Variants in HEBP1 observed in about 807,000 individuals in gnomAD.
The protein encoded by HEBP1 is heme-binding protein 1.
In HEBP1, 13 loss-of-function variants were observed where a neutral mutation model predicts 20.4. The ratio of observed to expected loss-of-function variants is 0.64; its 90% CI spans 0.42 to 1.01. HEBP1 has a LOEUF of 1.01. Ranked by LOEUF, HEBP1 falls within the 50% of genes least tolerant of loss-of-function variation. The probability of loss-of-function intolerance (pLI) is 0.00; values close to 1 mark genes in which losing one functional copy is unlikely to be tolerated. For synonymous variants in HEBP1, 92 were observed against 90.7 expected (o/e 1.01, Z -0.08); for missense variants, 241 against 247.3 (o/e 0.97, Z 0.17).
chr12:12,975,343 C>T lies in HEBP1; in HGVS notation c.535G>A (p.Gly179Arg), dbSNP rs145719541. ...TGYDPPMKPY[G>R]RRNEIWLLKT ...AACAGCCAGATCTCATTGCGCCGTC[C>T]GTAGGGCTTCATGGGAGGGTCATAA... The change falls in exon 4 of 4, where the codon GGA becomes AGA. Residue 179 changes from glycine (G) to arginine (R), a missense_variant. Physicochemically the swap from Gly to Arg is moderately radical, Grantham distance 125. Coordinates refer to ENST00000014930, the MANE Select transcript of HEBP1 (RefSeq NM_015987.5). 2.5e-5 allele frequency: 40 copies of T among 1,614,028 alleles called. 1 individual carries two copies. Among genetic ancestry groups the T allele is most frequent in the South Asian group, 1.2e-4 (11 of 91,074 alleles).
At chr12:12,995,431 A>T (rs1224130748) in intron 1 of HEBP1, among the ~76,000 whole-genome samples, 1 of 152,216 alleles carries the variant, frequency 6.6e-6, no homozygotes, top group Non-Finnish European at 1.5e-5. Context: ...TATGCAGAGT[A>T]AAACCTAGTT....
In HEBP1 at chr12:12,982,534, C is replaced by T. The variant is rs571749172; in HGVS notation, c.398+4618G>A. Among the ~76,000 whole-genome samples the T allele has an allele frequency of 6.9e-4, 105 of 152,278 alleles. 1 individual carries two copies. The highest frequency in any genetic ancestry group is 1.3e-3 in the Admixed American group (20 of 15,302). On this transcript the variant is annotated intron_variant, in intron 3 of 3. Transcript: ENST00000014930. ...TCTTCCAAACTTCTCTTTCTCTAGG[C>T]GGAACTTCCCAAGCTGCCAATGGCC...
intron 1 of HEBP1, among the ~76,000 whole-genome samples, chr12:12,994,259 A>C (rs569425496): frequency 6.6e-6 from 1 of 152,332 alleles, no homozygotes; most frequent in Non-Finnish European, 1.5e-5. Context: ...AAGACTGTCA[A>C]GCAGGACACA....
chr12:13,000,042 C>T lies in HEBP1; in HGVS notation c.73G>A (p.Asp25Asn), dbSNP rs773681152. ...CGGCAGCCCTGCGGGCCTACCTTGT[C>T]CCCTTTGCTTAGGACCTGCCAAGGC... is the stretch of plus-strand genomic sequence containing the variant. ...TWPWQVLSKG[D>N]KEEVAYEERA... Residue 25 changes from aspartate to asparagine, a missense_variant, in exon 1 of 4, where the codon GAC (aspartate) becomes AAC (asparagine). By Grantham distance (23) the Asp-to-Asn change is conservative. Transcript: ENST00000014930. 45 of 1,609,764 alleles carry T rather than the reference C, an allele frequency of 2.8e-5. No homozygotes were observed. Among genetic ancestry groups the T allele is most frequent in the South Asian group, 2.5e-4 (23 of 90,444 alleles).
intron 3 of HEBP1, 82 bp from the exon 4 acceptor site, chr12:12,975,561 CATG>C: frequency 8.1e-7 from 1 of 1,236,724 alleles, no homozygotes; most frequent in South Asian, 1.5e-5. Flanking sequence ...AGTCACTCAC[CATG>C]TTTATTATGA....
chr12:12,986,813 T>C lies in HEBP1; in HGVS notation c.398+339A>G, dbSNP rs369938056. The stretch of plus-strand genomic sequence containing the variant: ...ATTCCTCAGCCCTTTATGCTTCCCA[T>C]GTGTCCACGAATCCAGACCATGGCT... On this transcript the variant is annotated intron_variant, in intron 3 of 3. Transcript: ENST00000014930. This position sits in a 1 kb window ranked among gnomAD's most constrained non-coding sequence, Gnocchi z 4.3. 6.4e-4 allele frequency: 126 copies of C among 196,576 alleles called. 1 individual carries two copies. The highest frequency in any genetic ancestry group is 2.8e-3 in the African/African-American group (119 of 42,992). The allele number at this position is 196,576 out of a possible 1,614,324, so 12.2% of individuals were successfully genotyped here.
At chr12:12,988,798 C>A (rs1394241839) in intron 2 of HEBP1, among the ~76,000 whole-genome samples, 2 of 152,082 alleles carry the variant, frequency 1.3e-5, no homozygotes, top group Non-Finnish European at 2.9e-5. Context: ...ATTCTCAGAC[C>A]CTTCATTTGC....
intron 3 of HEBP1, among the ~76,000 whole-genome samples, chr12:12,982,889 T>C (rs897777704): frequency 2.6e-5 from 4 of 152,196 alleles, no homozygotes; most frequent in Non-Finnish European, 5.9e-5. Flanking sequence ...ACTGAGTGTC[T>C]ACCTCATGTC....
chr12:12,985,022 C>A (rs547550693), intron 3 of HEBP1, among the ~76,000 whole-genome samples: 1 of 151,608 alleles, frequency 6.6e-6, no homozygotes, highest in South Asian at 2.1e-4. Context: ...GTGGCAGGTT[C>A]CTGTACTCCC....
At chr12:12,989,959 A>T (rs541520037) in intron 1 of HEBP1, among the ~76,000 whole-genome samples, 3 of 152,260 alleles carry the variant, frequency 2.0e-5, no homozygotes, top group Admixed American at 2.0e-4. Flanking sequence ...ACCTCTATGG[A>T]TACCAAAATC....
At chr12:12,997,321 G>A (rs1396582736) in intron 1 of HEBP1, among the ~76,000 whole-genome samples, 1 of 152,182 alleles carries the variant, frequency 6.6e-6, no homozygotes, top group African/African-American at 2.4e-5. Context: ...GAAGCACTTC[G>A]ATGCAAGGGA....
intron 1 of HEBP1, among the ~76,000 whole-genome samples, chr12:12,992,531 C>G (rs1864237121): frequency 6.6e-6 from 1 of 152,050 alleles, no homozygotes; most frequent in Non-Finnish European, 1.5e-5. Context: ...ACCCTGAGTG[C>G]CAAGTTTGTA....
At chr12:12,995,054 C>T (rs1864274254) in intron 1 of HEBP1, among the ~76,000 whole-genome samples, 1 of 152,200 alleles carries the variant, frequency 6.6e-6, no homozygotes, top group South Asian at 2.1e-4. Flanking sequence ...TCTGCTGTTT[C>T]CTTTGATGCC....
rs1864150256 is a variant in HEBP1 at position 12,986,212 on chromosome 12, G to C, written c.398+940C>G. 3 of 152,218 alleles carry C rather than the reference G, an allele frequency of 2.0e-5. No individual in the cohort carries two copies. Among genetic ancestry groups the C allele is most frequent in the Non-Finnish European group, 2.9e-5 (2 of 68,052 alleles). 9.4% of individuals were successfully genotyped at this position (152,218 alleles called of 1,614,324 possible). ...GCATTACATTCACTGTCCTCTGGAG[G>C]GCCCTGCAGTCACCTGGCCTAGGAC... On this transcript the variant is annotated intron_variant, in intron 3 of 3. Coordinates refer to ENST00000014930, the MANE Select transcript of HEBP1 (RefSeq NM_015987.5). The surrounding 1 kb of genome is among the most constrained non-coding windows in gnomAD (Gnocchi z 4.3).
At chr12:12,983,565 T>C in intron 3 of HEBP1, 1 of 390,046 alleles carries the variant, frequency 2.6e-6, no homozygotes, top group Non-Finnish European at 5.2e-6. Context: ...TCATTAACAT[T>C]GCTTTCAACA....
chr12:12,987,404 TAGTTCCATTCGTCTTTCAA>T, intron 2 of HEBP1, 72 bp from the exon 3 acceptor site: 1 of 1,182,652 alleles, frequency 8.5e-7, no homozygotes, highest in South Asian at 1.5e-5. Context: ...GAAGACACAT[TAGTTCCATTCGTCTTTCAA>T]AGTGGTATGT....
intron 1 of HEBP1, among the ~76,000 whole-genome samples, chr12:12,992,834 G>A (rs1230096600): frequency 6.6e-6 from 1 of 152,154 alleles, no homozygotes; most frequent in Non-Finnish European, 1.5e-5. Context: ...ACTATCCTGT[G>A]AATCACAGAA....
chr12:12,996,154 C>T lies in HEBP1; in HGVS notation c.78+3883G>A, dbSNP rs1186538425. On this transcript the variant is annotated intron_variant, in intron 1 of 3. Coordinates refer to ENST00000014930, the MANE Select transcript of HEBP1 (RefSeq NM_015987.5). This position sits in a 1 kb window ranked among gnomAD's most constrained non-coding sequence, Gnocchi z 4.1. ...ACGTGGATTCATTCATTCAATTTCT[C>T]CAATAACCCTGTGAAGAAGTTAGGG... Among the ~76,000 whole-genome samples the T allele has an allele frequency of 6.6e-6, 1 of 152,168 alleles. No homozygotes were observed. Among genetic ancestry groups the T allele is most frequent in the African/African-American group, 2.4e-5 (1 of 41,432 alleles).
chr12:12,995,052 T>C (rs1864274220), intron 1 of HEBP1, among the ~76,000 whole-genome samples: 1 of 152,184 alleles, frequency 6.6e-6, no homozygotes, highest in Admixed American at 6.5e-5. Context: ...TTTCTGCTGT[T>C]TCCTTTGATG....
Sources: allele counts gnomAD v4.1 joint callset (sites outside exome capture counted in the v4.1 genomes callset), GRCh38; gene constraint gnomAD v4.1.1; non-coding constraint Gnocchi (gnomAD v3.1); transcripts MANE v1.5; gene names NCBI Gene and HGNC (gene_info 2026-07-23, HGNC 2026-07-21).